ADAM19: variants seen among roughly 807,000 people sequenced by gnomAD.
The protein encoded by ADAM19 is ADAM metallopeptidase domain 19, also known as disintegrin and metalloproteinase domain-containing protein 19.
Under a neutral mutation model 114.7 loss-of-function variants are expected in ADAM19, and 65 were observed. That is an observed-to-expected ratio of 0.57 (90% CI 0.46 to 0.70). ADAM19 has a LOEUF of 0.70. Among genes scored for constraint, ADAM19 ranks in the 30% least tolerant of loss-of-function variants. The pLI is 0.00. For missense variants in ADAM19, 1,063 were observed against 1,204.7 expected (o/e 0.88, Z 1.74); for synonymous variants, 466 against 460.5 (o/e 1.01, Z -0.15).
intron 14 of ADAM19, among the ~76,000 whole-genome samples, chr5:157,495,548 T>C (rs1755334119): frequency 6.6e-6 from 1 of 152,254 alleles, no homozygotes; most frequent in Non-Finnish European, 1.5e-5. Context: ...CTAAAGATAC[T>C]TAAATCTCTA....
chr5:157,509,761 G>A (rs1030225116), intron 8 of ADAM19, among the ~76,000 whole-genome samples: 1 of 152,158 alleles, frequency 6.6e-6, no homozygotes, highest in Admixed American at 6.5e-5. Flanking sequence ...GAACTGCAGT[G>A]ACTTTGTTTA....
intron 19 of ADAM19, 93 bp downstream of exon 19, chr5:157,490,216 AC>A (rs1255806237): frequency 7.0e-7 from 1 of 1,427,258 alleles, no homozygotes; most frequent in Non-Finnish European, 9.8e-7. Flanking sequence ...CCTGAATTAG[AC>A]CCACTATCAC....
intron 4 of ADAM19, among the ~76,000 whole-genome samples, chr5:157,535,577 G>A (rs11739920): frequency 0.15 from 22,353 of 152,210 alleles, 2,262 homozygotes; most frequent in African/African-American, 0.28. Flanking sequence ...GTTCAGCTAG[G>A]ATGTGCTTCA....
rs769455423 is a variant in ADAM19 at position 157,493,022 on chromosome 5, A to G, written c.1859T>C (p.Met620Thr). The change falls in exon 16 of 23, where the codon ATG becomes ACG. Residue 620 changes from methionine to threonine, a missense_variant. Coordinates refer to ENST00000257527, the MANE Select transcript of ADAM19 (RefSeq NM_033274.5). ...AGTCATCACCAGCCCTGGGTCCAGC[A>G]TGTCACCCTCCTCCTCAGGACCTCG... ...VYRGPEEEGD[M>T]LDPGLVMTGT... 3.1e-6 allele frequency: 5 copies of G among 1,614,224 alleles called. No homozygotes were observed. The Admixed American group carries it at 6.7e-5, about 22-fold the overall frequency.
At chr5:157,521,591 G>A (rs1756287995) in intron 5 of ADAM19, among the ~76,000 whole-genome samples, 1 of 152,148 alleles carries the variant, frequency 6.6e-6, no homozygotes, top group Admixed American at 6.5e-5. Flanking sequence ...ATCCCTGGCT[G>A]ACCTCATTCC....
At chr5:157,543,942 G>A (rs56214428) in intron 3 of ADAM19, among the ~76,000 whole-genome samples, 13,145 of 152,214 alleles carry the variant, frequency 0.086, 725 homozygotes, top group East Asian at 0.24. Flanking sequence ...AAGAAAAGCA[G>A]GGAAGAGACA....
intron 3 of ADAM19, among the ~76,000 whole-genome samples, chr5:157,549,655 T>A (rs1757136172): frequency 6.6e-6 from 1 of 152,226 alleles, no homozygotes; most frequent in South Asian, 2.1e-4. Context: ...CCATGTAAAT[T>A]TGTAATCTGT....
intron 22 of ADAM19, chr5:157,481,565 T>C: frequency 6.7e-7 from 1 of 1,493,682 alleles, no homozygotes; most frequent in Non-Finnish European, 8.9e-7. Flanking sequence ...GGGGCAGGAC[T>C]GAAGCCACCA....
Position 157,478,970 on chromosome 5 carries a change from G to A in ADAM19, c.*1979C>T. The A allele has an allele frequency of 1.0e-6, 1 of 985,624 alleles. No individual in the cohort carries two copies. Among genetic ancestry groups the A allele is most frequent in the Non-Finnish European group, 1.2e-6 (1 of 829,944 alleles). The allele number at this position is 985,624 out of a possible 1,614,324, so 61.1% of individuals were successfully genotyped here. ...GTGAGGCATGGGGTTGGGTTTTGAG[G>A]ATGTTGCTTGTTTGTTTTGCAGAGG... On this transcript the variant is annotated 3_prime_UTR_variant, in exon 23 of 23. Transcript: ENST00000257527.
At chr5:157,537,807 A>G (rs1373612275) in intron 4 of ADAM19, 106 bp downstream of exon 4, 15 of 982,638 alleles carry the variant, frequency 1.5e-5, no homozygotes, top group Non-Finnish European at 2.2e-5. Context: ...TGGGGGAAAC[A>G]CTCCCTTCAG....
chr5:157,494,855 G>T, intron 14 of ADAM19, 60 bp from the exon 15 acceptor site: 1 of 1,348,692 alleles, frequency 7.4e-7, no homozygotes, highest in South Asian at 1.2e-5. Context: ...CAAGGGCAAA[G>T]GTATCTTTGG....
chr5:157,570,126 A>G (rs976872321), intron 2 of ADAM19, among the ~76,000 whole-genome samples: 4 of 152,096 alleles, frequency 2.6e-5, no homozygotes, highest in African/African-American at 4.8e-5. Context: ...CTGGCTTCGC[A>G]GCACACACAT....
intron 19 of ADAM19, among the ~76,000 whole-genome samples, chr5:157,490,081 A>G (rs999257012): frequency 2.6e-5 from 4 of 152,218 alleles, no homozygotes; most frequent in African/African-American, 9.6e-5. Context: ...GGTTGGGGAT[A>G]TTCTGCTGAG....
intron 5 of ADAM19, among the ~76,000 whole-genome samples, chr5:157,529,386 T>C (rs1055137144): frequency 6.6e-6 from 1 of 151,690 alleles, no homozygotes. Flanking sequence ...TATGTCAACA[T>C]ACATGTGTAG....
At chr5:157,522,095 T>C (rs1051464683) in intron 5 of ADAM19, among the ~76,000 whole-genome samples, 1 of 152,200 alleles carries the variant, frequency 6.6e-6, no homozygotes, top group Non-Finnish European at 1.5e-5. Context: ...ATAAGAATCC[T>C]CATAGTGGCT....
Position 157,477,585 on chromosome 5 carries a change from C to G in ADAM19, c.*3364G>C, listed in dbSNP as rs1754631329. On this transcript the variant is annotated 3_prime_UTR_variant, in exon 23 of 23. Transcript: ENST00000257527. Reference sequence around the variant, plus strand: ...GGGCTTGGATTCTACAGAACCTCTCCTTCGCAGGCTCCCCTGGGGAAGGGG... The same window carrying G: ...GGGCTTGGATTCTACAGAACCTCTCGTTCGCAGGCTCCCCTGGGGAAGGGG... 2 of 1,256,536 alleles carry G rather than the reference C, an allele frequency of 1.6e-6. No individual in the cohort carries two copies. The highest frequency in any genetic ancestry group is 2.1e-6 in the Non-Finnish European group (2 of 971,298). The allele number at this position is 1,256,536 out of a possible 1,614,324, so 77.8% of individuals were successfully genotyped here. A position where few individuals can be genotyped will look rare whatever the true frequency, so the allele number is the denominator to read the frequency against.
intron 11 of ADAM19, among the ~76,000 whole-genome samples, chr5:157,503,614 G>A (rs981941770): frequency 6.6e-6 from 1 of 152,162 alleles, no homozygotes; most frequent in African/African-American, 2.4e-5. Flanking sequence ...TCTGCCCATT[G>A]CATGAGGGGG....
intron 5 of ADAM19, among the ~76,000 whole-genome samples, chr5:157,521,426 T>C (rs1756283854): frequency 6.6e-6 from 1 of 152,152 alleles, no homozygotes. Flanking sequence ...CACTGTAAAT[T>C]GGCAGGACCT....
Position 157,491,858 on chromosome 5 carries a change from C to T in ADAM19, c.1963G>A (p.Gly655Arg). 6.2e-7 allele frequency: 1 copy of T among 1,614,238 alleles called. No homozygotes were observed. Among genetic ancestry groups the T allele is most frequent in the East Asian group, 2.2e-5 (1 of 44,884 alleles). ...ACCCCATGGCCATTGCACTTCTTCC[C>T]ACAGCCTTCAGTTTCAAAGAAGGAG... is the stretch of plus-strand genomic sequence containing the variant. ...NTSFFETEGC[G>R]KKCNGHGVCN... Residue 655 changes from glycine to arginine, a missense_variant, in exon 17 of 23, where the codon GGG becomes AGG. Around this residue, in one of 3 missense-constraint regions of ADAM19, gnomAD observed 424 missense variants for 445.5 expected, o/e 0.95. Transcript: ENST00000257527.
Sources: gnomAD v4.1 joint callset for allele counts (sites outside exome capture counted in the v4.1 genomes callset) on GRCh38, gnomAD v4.1.1 for gene constraint, gnomAD v4.1.1 regional missense constraint, MANE v1.5 for transcripts, NCBI Gene and HGNC (gene_info 2026-07-23, HGNC 2026-07-21) for gene names.